The following PUDP variants were observed in gnomAD, a reference collection of about 807,000 sequenced individuals.
PUDP encodes the protein pseudouridine-5'-phosphatase.
In PUDP, 8 loss-of-function variants were observed where a neutral mutation model predicts 9.4. That is an observed-to-expected ratio of 0.85 (90% confidence interval 0.50 to 1.53). The LOEUF (loss-of-function observed/expected upper bound fraction) is 1.53, where lower values mean the gene tolerates loss of function less well. Ranked by LOEUF, PUDP falls within the 40% of genes most tolerant of loss-of-function variation. The probability of loss-of-function intolerance (pLI) is 0.00; values close to 1 mark genes in which losing one functional copy is unlikely to be tolerated. For missense variants in PUDP, 188 were observed against 189.7 expected (o/e 0.99, Z 0.05); for synonymous variants, 99 against 80.7 (o/e 1.23, Z -1.22).
chrX:6,861,753 G>C (rs868230083), intron 3 of PUDP, among the ~76,000 whole-genome samples: 1 of 110,928 alleles, frequency 9.0e-6, no homozygotes, highest in African/African-American at 3.3e-5. Flanking sequence ...GAGTGAGAGA[G>C]AAGAAGTAAA....
chrX:7,006,463 T>C lies in PUDP; in HGVS notation c.205-28120A>G, dbSNP rs759761518. Among the ~76,000 whole-genome samples the C allele has an allele frequency of 4.5e-5, 5 of 112,178 alleles. No homozygotes were observed. The East Asian group carries it at 8.4e-4, about 19-fold the overall frequency. ...TAGTGATATTGATCAATATTTTATA[T>C]GCTTGCTGGCTACTTGTAAATCTTC... On this transcript the variant is annotated intron_variant and NMD_transcript_variant, in intron 1 of 3. Transcript: ENST00000655425.
intron 3 of PUDP, among the ~76,000 whole-genome samples, chrX:6,870,168 C>A (rs1927153125): frequency 9.0e-6 from 1 of 111,589 alleles, no homozygotes; most frequent in Non-Finnish European, 1.9e-5. Flanking sequence ...TCACGAAAGA[C>A]AAGTTATTAT....
chrX:6,972,066 A>C (rs1034972864), intron 3 of PUDP, among the ~76,000 whole-genome samples: 16 of 112,228 alleles, frequency 1.4e-4, no homozygotes, highest in Non-Finnish European at 3.0e-4. Context: ...TTGATTTTGT[A>C]TCCTGAGACT....
chrX:6,942,480 G>T (rs1262869310), intron 3 of PUDP, among the ~76,000 whole-genome samples: 1 of 111,654 alleles, frequency 9.0e-6, no homozygotes, highest in Non-Finnish European at 1.9e-5. Context: ...AGGATAAGTT[G>T]CTCTTTCTGC....
intron 3 of PUDP, among the ~76,000 whole-genome samples, chrX:6,820,345 C>A (rs1417906369): frequency 1.8e-5 from 2 of 110,708 alleles, no homozygotes; most frequent in South Asian, 7.8e-4. Flanking sequence ...CCCCTGACTC[C>A]TCCAAATCTC....
intron 1 of PUDP, among the ~76,000 whole-genome samples, chrX:7,116,229 G>C (rs1288642365): frequency 1.8e-5 from 2 of 111,528 alleles, no homozygotes; most frequent in Admixed American, 9.5e-5. Context: ...GTGGGGGCTG[G>C]GGGTGGCTCA....
chrX:7,127,813 T>C (rs1042443204), intron 1 of PUDP, among the ~76,000 whole-genome samples: 1 of 112,724 alleles, frequency 8.9e-6, no homozygotes, highest in Non-Finnish European at 1.9e-5. Flanking sequence ...GTTGAAATAT[T>C]AAGAATTTTA....
intron 3 of PUDP, among the ~76,000 whole-genome samples, chrX:6,732,980 G>T (rs1924827353): frequency 8.9e-6 from 1 of 111,825 alleles, no homozygotes; most frequent in African/African-American, 3.3e-5. Context: ...GTGCATTCAG[G>T]AACGGTCTCT....
At chrX:6,899,806 A>G (rs946036225) in intron 3 of PUDP, among the ~76,000 whole-genome samples, 2 of 111,312 alleles carry the variant, frequency 1.8e-5, no homozygotes. Flanking sequence ...GACTGTGGCT[A>G]TATCAGATGG....
At chrX:7,099,783 C>A (rs1349986316) in intron 2 of PUDP, among the ~76,000 whole-genome samples, 1 of 112,071 alleles carries the variant, frequency 8.9e-6, no homozygotes, top group African/African-American at 3.3e-5. Flanking sequence ...ATGATCAAGC[C>A]AAAGATACAC....
chrX:6,887,762 A>G lies in PUDP; in HGVS notation c.*247+89371T>C, dbSNP rs758876770. 1.3e-4 allele frequency among the ~76,000 whole-genome samples: 14 copies of G among 111,796 alleles called. No individual in the cohort carries two copies. The South Asian group carries it at 4.9e-3, about 39-fold the overall frequency. ...GTTTGAAATCCACATCTTCACCTTC[A>G]CTCCATGGCCAAGACTTCTAAGTAC... On this transcript the variant is annotated intron_variant and NMD_transcript_variant, in intron 3 of 3. Transcript: ENST00000655425.
chrX:7,041,662 C>T (rs1401378974), intron 1 of PUDP, among the ~76,000 whole-genome samples: 3 of 111,830 alleles, frequency 2.7e-5, no homozygotes, highest in Non-Finnish European at 5.6e-5. Flanking sequence ...CTGCAAGCTC[C>T]GTTTTGACCT....
intron 3 of PUDP, among the ~76,000 whole-genome samples, chrX:6,977,077 T>G (rs989711250): frequency 2.7e-5 from 3 of 112,206 alleles, no homozygotes; most frequent in African/African-American, 9.7e-5. Flanking sequence ...TTCCCACATG[T>G]TTTACTAAAT....
intron 1 of PUDP, among the ~76,000 whole-genome samples, chrX:6,981,481 T>C (rs768377150): frequency 1.6e-3 from 178 of 111,618 alleles, no homozygotes; most frequent in Non-Finnish European, 2.5e-3. Flanking sequence ...GCATTTTTAG[T>C]GCCATTGTTA....
intron 3 of PUDP, among the ~76,000 whole-genome samples, chrX:6,910,235 T>C (rs1927829147): frequency 8.9e-6 from 1 of 112,124 alleles, no homozygotes; most frequent in African/African-American, 3.2e-5. Flanking sequence ...ATAAGAATGC[T>C]CAGCCTGGGA....
chrX:7,111,381 C>T (rs1932044571), intron 1 of PUDP, among the ~76,000 whole-genome samples: 1 of 110,660 alleles, frequency 9.0e-6, no homozygotes, highest in African/African-American at 3.3e-5. Flanking sequence ...AGAAAACTCC[C>T]AGCTCAGCTG....
At chrX:6,810,334 G>C (rs569433056) in intron 3 of PUDP, among the ~76,000 whole-genome samples, 240 of 111,508 alleles carry the variant, frequency 2.2e-3, no homozygotes, top group African/African-American at 7.1e-3. Flanking sequence ...ACATGAGCTT[G>C]GGTTGCTTAT....
At position 6,923,436 on chromosome X, in the gene PUDP, G is replaced by A. The variant is rs1928054632; in HGVS notation, c.*247+53697C>T. ...AGTTGAAGACATATCCAAAACCAAG[G>A]TCTTCGTCTCATTCCCAAACCAGCA... On this transcript the variant is annotated intron_variant and NMD_transcript_variant, in intron 3 of 3. Transcript: ENST00000655425. 3.6e-5 allele frequency among the ~76,000 whole-genome samples: 4 copies of A among 111,952 alleles called. No homozygotes were observed. The Admixed American group carries it at 3.8e-4, about 11-fold the overall frequency.
chrX:7,069,458 G>A (rs759030152), intron 3 of PUDP, among the ~76,000 whole-genome samples: 1 of 110,765 alleles, frequency 9.0e-6, no homozygotes, highest in Non-Finnish European at 1.9e-5. Context: ...CCTCAGGGTT[G>A]TTTAGAAACA....
Sources: allele counts gnomAD v4.1 joint callset (sites outside exome capture counted in the v4.1 genomes callset), GRCh38; gene constraint gnomAD v4.1.1; transcripts MANE v1.5; gene names NCBI Gene and HGNC (gene_info 2026-07-23, HGNC 2026-07-21).